CAMK1D: variants seen among roughly 807,000 people sequenced by gnomAD.
The protein encoded by CAMK1D is calcium/calmodulin-dependent protein kinase type 1D.
CAMK1D carries 9 observed loss-of-function variants against 47.7 expected under a neutral mutation model. The ratio of observed to expected loss-of-function variants is 0.19; its 90% CI spans 0.11 to 0.33. The LOEUF is 0.33. Ranked by LOEUF, CAMK1D falls within the 10% of genes least tolerant of loss-of-function variation. The pLI is 1.00. For synonymous variants in CAMK1D, 184 were observed against 184.9 expected (o/e 0.99, Z 0.04); for missense variants, 291 against 488.7 (o/e 0.60, Z 3.81).
intron 2 of CAMK1D, among the ~76,000 whole-genome samples, chr10:12,602,940 G>A (rs998680536): frequency 4.0e-5 from 2 of 50,190 alleles, no homozygotes; most frequent in Non-Finnish European, 1.1e-4. Context: ...ACAGAGTCTC[G>A]CCCTGTTGCT....
At chr10:12,523,092 C>T (rs1835488976) in intron 1 of CAMK1D, among the ~76,000 whole-genome samples, 1 of 151,598 alleles carries the variant, frequency 6.6e-6, no homozygotes, top group South Asian at 2.1e-4. Context: ...GGTGGAGGGG[C>T]TCCTCACTTC....
chr10:12,825,680 C>A lies in CAMK1D; in HGVS notation c.1029C>A (p.Ser343Arg). 2 of 1,614,244 alleles carry A rather than the reference C, an allele frequency of 1.2e-6. No individual in the cohort carries two copies. The highest frequency in any genetic ancestry group is 1.7e-6 in the Non-Finnish European group (2 of 1,180,048). ...ASVSSSLSLASQKDCLAPSTL... is the reference protein window; with the variant it reads ...ASVSSSLSLARQKDCLAPSTL... ...TTTCGAGCAGCCTCAGTTTGGCCAG[C>A]CAAAAAGACTGTGCGTATGTAGCAA... Residue 343 changes from serine to arginine, a missense_variant, in exon 10 of 11, where the codon AGC becomes AGA. Physicochemically the swap from Ser to Arg is moderately radical, Grantham distance 110 (BLOSUM62 -1). Around this residue, in one of 2 missense-constraint regions of CAMK1D, gnomAD observed 72 missense variants for 64.4 expected, o/e 1.12. Coordinates refer to ENST00000619168, the MANE Select transcript of CAMK1D (RefSeq NM_153498.4).
intron 3 of CAMK1D, among the ~76,000 whole-genome samples, chr10:12,717,590 TAAA>T (rs201647505): frequency 4.9e-5 from 7 of 142,912 alleles, no homozygotes; most frequent in Non-Finnish European, 4.6e-5. Flanking sequence ...TCTACAAAAG[TAAA>T]AAAAAAAAAT....
intron 1 of CAMK1D, among the ~76,000 whole-genome samples, chr10:12,466,946 G>T (rs1833609987): frequency 6.6e-6 from 1 of 152,026 alleles, no homozygotes; most frequent in Admixed American, 6.6e-5. Flanking sequence ...GGAACTTCCT[G>T]GCCAAAAGGC....
At chr10:12,601,851 G>A (rs1051660862) in intron 2 of CAMK1D, among the ~76,000 whole-genome samples, 6 of 152,186 alleles carry the variant, frequency 3.9e-5, no homozygotes, top group Non-Finnish European at 8.8e-5. Context: ...TCTTAGCCTC[G>A]GTAGCTCGTT....
chr10:12,422,592 G>A (rs1020350830), intron 1 of CAMK1D, among the ~76,000 whole-genome samples: 37 of 152,308 alleles, frequency 2.4e-4, no homozygotes, highest in African/African-American at 8.7e-4. Flanking sequence ...AGCTTGTAGA[G>A]AAATGGAAAG....
chr10:12,372,512 G>A (rs1395885540), intron 1 of CAMK1D, among the ~76,000 whole-genome samples: 1 of 152,224 alleles, frequency 6.6e-6, no homozygotes, highest in East Asian at 1.9e-4. Context: ...TCTTAACAGA[G>A]AAAATGTGAC....
intron 1 of CAMK1D, among the ~76,000 whole-genome samples, chr10:12,485,235 C>T (rs536540400): frequency 2.0e-5 from 3 of 152,258 alleles, no homozygotes; most frequent in African/African-American, 7.2e-5. Context: ...TGAGACCGAG[C>T]TAGGGGAGGA....
intron 1 of CAMK1D, among the ~76,000 whole-genome samples, chr10:12,525,167 A>G (rs756022053): frequency 6.6e-6 from 1 of 151,798 alleles, no homozygotes; most frequent in African/African-American, 2.4e-5. Context: ...GTTTTTCTTT[A>G]TTTTTGATTT....
intron 1 of CAMK1D, among the ~76,000 whole-genome samples, chr10:12,460,720 G>A (rs925645144): frequency 2.0e-5 from 3 of 151,156 alleles, no homozygotes; most frequent in Non-Finnish European, 4.4e-5. Flanking sequence ...GAGACACTGC[G>A]CCCAACCCTA....
intron 3 of CAMK1D, among the ~76,000 whole-genome samples, chr10:12,704,681 T>C (rs1833665380): frequency 6.6e-6 from 1 of 152,210 alleles, no homozygotes; most frequent in African/African-American, 2.4e-5. Flanking sequence ...ATGGGTTCTG[T>C]CAAGCTTTGT....
At chr10:12,786,976 A>G (rs1837752310) in intron 5 of CAMK1D, among the ~76,000 whole-genome samples, 1 of 152,180 alleles carries the variant, frequency 6.6e-6, no homozygotes. Flanking sequence ...TACAAAAAGT[A>G]GTCAGGCGTG....
At chr10:12,574,306 TC>T (rs374610766) in intron 2 of CAMK1D, among the ~76,000 whole-genome samples, 22 of 150,788 alleles carry the variant, frequency 1.5e-4, no homozygotes, top group African/African-American at 5.4e-4. Flanking sequence ...TTCTGTTTTG[TC>T]CTTTTTTTTT....
At chr10:12,799,873 C>G (rs1160662122) in intron 6 of CAMK1D, among the ~76,000 whole-genome samples, 2 of 152,150 alleles carry the variant, frequency 1.3e-5, no homozygotes, top group African/African-American at 4.8e-5. Flanking sequence ...TCTCCCTCCC[C>G]TCCTCCCCGC....
At chr10:12,385,739 CTTTTTTT>C (rs71384318) in intron 1 of CAMK1D, among the ~76,000 whole-genome samples, 1 of 100,546 alleles carries the variant, frequency 9.9e-6, no homozygotes, top group African/African-American at 3.9e-5. Context: ...TTGAATTGTA[CTTTTTTT>C]TTTTTTTTTT....
At chr10:12,577,739 G>A (rs1375858029) in intron 2 of CAMK1D, among the ~76,000 whole-genome samples, 4 of 152,172 alleles carry the variant, frequency 2.6e-5, no homozygotes, top group African/African-American at 7.2e-5. Flanking sequence ...CCCCACTCCG[G>A]CCAATGCCCC....
chr10:12,392,668 A>G (rs1436138905), intron 1 of CAMK1D, among the ~76,000 whole-genome samples: 1 of 152,188 alleles, frequency 6.6e-6, no homozygotes, highest in African/African-American at 2.4e-5. Flanking sequence ...AATGCTTAAA[A>G]TCTACTGTCT....
chr10:12,750,431 A>G (rs960581053), intron 3 of CAMK1D, among the ~76,000 whole-genome samples: 3 of 152,208 alleles, frequency 2.0e-5, no homozygotes, highest in African/African-American at 7.2e-5. Flanking sequence ...CTTCGATTGC[A>G]GAGGGAAGTC....
chr10:12,614,657 T>C (rs539086846), intron 2 of CAMK1D, among the ~76,000 whole-genome samples: 1 of 152,304 alleles, frequency 6.6e-6, no homozygotes, highest in African/African-American at 2.4e-5. Flanking sequence ...TTTTAAATTT[T>C]GACTAAGTCC....
Sources: allele counts gnomAD v4.1 joint callset (sites outside exome capture counted in the v4.1 genomes callset), GRCh38; gene constraint gnomAD v4.1.1; regional missense constraint gnomAD v4.1.1; transcripts MANE v1.5; gene names NCBI Gene and HGNC (gene_info 2026-07-23, HGNC 2026-07-21).